ABCA4: variants seen among roughly 807,000 people sequenced by gnomAD.
The protein encoded by ABCA4 is ATP binding cassette subfamily A member 4.
ABCA4 carries 196 observed loss-of-function variants against 263.7 expected under a neutral mutation model. The ratio of observed to expected loss-of-function variants is 0.74; its 90% confidence interval spans 0.66 to 0.84. The LOEUF is 0.84. ABCA4 is among the 40% of genes least tolerant of loss of function. The pLI is 0.00. For missense variants in ABCA4, 2,792 were observed against 2,855.1 expected (o/e 0.98, Z 0.50); for synonymous variants, 1,133 against 1,094.2 (o/e 1.04, Z -0.70).
At chr1:94,041,610 A>T (rs571462880) in intron 22 of ABCA4, among the ~76,000 whole-genome samples, 2 of 152,358 alleles carry the variant, frequency 1.3e-5, no homozygotes, top group Non-Finnish European at 2.9e-5. Flanking sequence ...ACTGTAAAGC[A>T]TTGCCACACA....
chr1:94,072,824 C>A (rs546232254), intron 11 of ABCA4, among the ~76,000 whole-genome samples: 3 of 152,288 alleles, frequency 2.0e-5, no homozygotes, highest in Non-Finnish European at 2.9e-5. Flanking sequence ...GGCCGTCTGA[C>A]TTCCATTTAT....
At chr1:93,996,277 A>G (rs1659001113) in intron 48 of ABCA4, 82 bp from the exon 49 acceptor site, 2 of 1,078,830 alleles carry the variant, frequency 1.9e-6, no homozygotes, top group Admixed American at 1.8e-5. Context: ...TTTGCTCTCT[A>G]TTTTCCACAG....
chr1:94,011,919 G>A (rs898319219), intron 38 of ABCA4, among the ~76,000 whole-genome samples: 3 of 150,720 alleles, frequency 2.0e-5, no homozygotes, highest in Admixed American at 6.6e-5. Context: ...ACCAGGCCCT[G>A]AGCCATCTCC....
In ABCA4 at chr1:94,042,843, C is replaced by T. The variant is rs1288056889; in HGVS notation, c.3246G>A (p.Val1082=). The change falls in exon 22 of 50, where the codon GTG becomes GTA. Residue 1082 remains valine, a synonymous_variant. Transcript: ENST00000370225. The stretch of plus-strand genomic sequence containing the variant: ...CAGAGGTGGGTTCGTCCAGAATCAC[C>T]ACCTTGGCATCTCCCACAAAGGCAA... ...VAIAFVGDAK[V]VILDEPTSGV... is the part of the protein sequence containing the mutation. 1 of 1,614,084 alleles carries T rather than the reference C, an allele frequency of 6.2e-7. No individual in the cohort carries two copies. Among genetic ancestry groups the T allele is most frequent in the African/African-American group, 1.3e-5 (1 of 74,914 alleles).
intron 18 of ABCA4, 37 bp downstream of exon 18, chr1:94,048,831 C>A: frequency 1.2e-6 from 2 of 1,603,660 alleles, no homozygotes; most frequent in South Asian, 2.2e-5. Context: ...AGAGCCTTTT[C>A]CTCGCCTCTG....
chr1:94,078,642 C>T lies in ABCA4; in HGVS notation c.1304G>A (p.Gly435Glu), dbSNP rs920723783. The change falls in exon 10 of 50, where the codon GGG becomes GAG. Residue 435 changes from glycine to glutamate, a missense_variant. By Grantham distance (98) the Gly-to-Glu change is moderately conservative. Coordinates refer to ENST00000370225, the MANE Select transcript of ABCA4 (RefSeq NM_000350.3). ...RKLVKAWEEV[G>E]PQIWYFFDNS... ...GTCAAAGAAGTACCAGATCTGGGGC[C>T]CTACTTCTTCCCAGGCTTTGACCAA... 3.3e-6 allele frequency: 5 copies of T among 1,524,554 alleles called. No individual in the cohort carries two copies. The highest frequency in any genetic ancestry group is 3.6e-6 in the Non-Finnish European group (4 of 1,125,414). The allele number at this position is 1,524,554 out of a possible 1,614,324, so 94.4% of individuals were successfully genotyped here.
At chr1:94,103,589 T>G (rs560986260) in intron 4 of ABCA4, among the ~76,000 whole-genome samples, 213 of 152,108 alleles carry the variant, frequency 1.4e-3, no homozygotes, top group South Asian at 7.7e-3. Flanking sequence ...CACTCCTCCC[T>G]CCCCCACACA....
Position 94,100,756 on chromosome 1 carries a change from C to G in ABCA4, c.571-1765G>C, listed in dbSNP as rs377241773. 6.6e-5 allele frequency among the ~76,000 whole-genome samples: 10 copies of G among 152,284 alleles called. No homozygotes were observed. The East Asian group carries it at 1.7e-3, about 26-fold the overall frequency. ...AAAGGACCAGGAGGGGTATCCAGTC[C>G]TGATGGTAAAGGACACAAATCCATG... On this transcript the variant is annotated intron_variant, in intron 5 of 49. Transcript: ENST00000370225.
At chr1:94,120,076 C>T (rs1190946095) in intron 1 of ABCA4, among the ~76,000 whole-genome samples, 1 of 152,202 alleles carries the variant, frequency 6.6e-6, no homozygotes, top group African/African-American at 2.4e-5. Flanking sequence ...TCTTTCTTTA[C>T]AGTTCTATAG....
intron 42 of ABCA4, 44 bp from the exon 43 acceptor site, chr1:94,007,784 G>A: frequency 6.4e-7 from 1 of 1,555,292 alleles, no homozygotes. Context: ...AGATCAAGAA[G>A]GTCTAAAATG....
chr1:94,118,514 A>C (rs1318393795), intron 1 of ABCA4, among the ~76,000 whole-genome samples: 1 of 152,218 alleles, frequency 6.6e-6, no homozygotes, highest in East Asian at 1.9e-4. Flanking sequence ...CTTAGGAAGG[A>C]GCCACAGATC....
chr1:94,028,679 G>A (rs993202699), intron 30 of ABCA4, among the ~76,000 whole-genome samples: 1 of 152,028 alleles, frequency 6.6e-6, no homozygotes, highest in African/African-American at 2.4e-5. Flanking sequence ...GGCAGAAGTG[G>A]GTAGATCACT....
rs774598114 is a variant in ABCA4 at position 94,046,953 on chromosome 1, G to A, written c.2884C>T (p.Leu962=). The change falls in exon 19 of 50, where the codon CTG becomes TTG. Residue 962 remains leucine, a synonymous_variant. Transcript: ENST00000370225. ...TFYENQITAF[L]GHNGAGKTTT... ...GTTTTCCCAGCTCCATTGTGGCCCA[G>A]GAATGCGGTGATCTGGTTCTCGTAG... The A allele has an allele frequency of 2.0e-5, 33 of 1,614,076 alleles. No individual in the cohort carries two copies. The East Asian group carries it at 6.7e-4, about 33-fold the overall frequency.
intron 6 of ABCA4, among the ~76,000 whole-genome samples, chr1:94,096,270 G>T (rs191340944): frequency 6.6e-6 from 1 of 152,194 alleles, no homozygotes; most frequent in Non-Finnish European, 1.5e-5. Flanking sequence ...CCAGGCATTT[G>T]TAGGACACAT....
intron 29 of ABCA4, 52 bp downstream of exon 29, chr1:94,030,376 G>T (rs1272191943): frequency 1.9e-6 from 3 of 1,555,228 alleles, no homozygotes; most frequent in Non-Finnish European, 2.7e-6. Flanking sequence ...CCCACCGTTG[G>T]GTCCTCCCAG....
intron 29 of ABCA4, 25 bp from the exon 30 acceptor site, chr1:94,029,656 C>CT: frequency 6.2e-7 from 1 of 1,603,840 alleles, no homozygotes; most frequent in East Asian, 2.2e-5. Flanking sequence ...GAAAATATTC[C>CT]ATAATCAGCC....
chr1:94,039,593 T>C (rs929182752), intron 24 of ABCA4, among the ~76,000 whole-genome samples: 4 of 152,158 alleles, frequency 2.6e-5, no homozygotes, highest in African/African-American at 9.7e-5. Context: ...ATCAGGAGTA[T>C]AACAGGGGTG....
chr1:94,017,645 C>A (rs191290892), intron 36 of ABCA4, among the ~76,000 whole-genome samples: 2 of 152,186 alleles, frequency 1.3e-5, no homozygotes, highest in Admixed American at 1.3e-4. Context: ...CTGGTTTCCT[C>A]ATGTTGACAG....
Position 94,008,750 on chromosome 1 carries a change from C to A in ABCA4, c.5835+1G>T, listed in dbSNP as rs1475966997. ...CTCCAAACTCATACCCATTCCCTTA[C>A]CTTGGTTAGTTCATGTAGCCTTAAG... On this transcript the variant is annotated splice_donor_variant, in intron 41 of 49. Coordinates refer to ENST00000370225, the MANE Select transcript of ABCA4 (RefSeq NM_000350.3). LOFTEE classifies it high-confidence loss of function. 6.2e-7 allele frequency: 1 copy of A among 1,614,028 alleles called. No individual in the cohort carries two copies. Among genetic ancestry groups the A allele is most frequent in the Admixed American group, 1.7e-5 (1 of 60,012 alleles).
Sources: gnomAD v4.1 joint callset for allele counts (sites outside exome capture counted in the v4.1 genomes callset) on GRCh38, gnomAD v4.1.1 for gene constraint, MANE v1.5 for transcripts, NCBI Gene and HGNC (gene_info 2026-07-23, HGNC 2026-07-21) for gene names.